The following PKHD1 variants were observed in gnomAD, a reference collection of about 807,000 sequenced individuals.
PKHD1 encodes the protein fibrocystin.
Under a neutral mutation model 412.0 loss-of-function variants are expected in PKHD1, and 291 were observed. That is an observed-to-expected ratio of 0.71 (90% CI 0.64 to 0.78). The LOEUF (loss-of-function observed/expected upper bound fraction) is 0.78. Among genes scored for constraint, PKHD1 ranks in the 30% least tolerant of loss-of-function variants. The probability of loss-of-function intolerance (pLI) is 0.00; values close to 1 mark genes in which losing one functional copy is unlikely to be tolerated. For synonymous variants in PKHD1, 1,777 were observed against 1,821.5 expected (o/e 0.98, Z 0.62); for missense variants, 4,825 against 4,950.7 (o/e 0.97, Z 0.76).
chr6:52,049,399 T>A (rs1806396410), intron 22 of PKHD1, among the ~76,000 whole-genome samples: 1 of 152,220 alleles, frequency 6.6e-6, no homozygotes, highest in African/African-American at 2.4e-5. Context: ...CACCGACAGA[T>A]ACATTGTTAT....
At chr6:51,854,989 C>G (rs1452679433) in intron 49 of PKHD1, among the ~76,000 whole-genome samples, 1 of 152,254 alleles carries the variant, frequency 6.6e-6, no homozygotes, top group Non-Finnish European at 1.5e-5. Context: ...TAGGCTTAAG[C>G]AGATTCCAGC....
rs142158406 is a variant in PKHD1, at chr6:51,964,874, A to G, written c.5752-4848T>C. 3.8e-3 allele frequency among the ~76,000 whole-genome samples: 580 copies of G among 152,142 alleles called. 6 individuals carry two copies. The highest frequency in any genetic ancestry group is 0.013 in the African/African-American group (550 of 41,516). On this transcript the variant is annotated intron_variant, in intron 35 of 66. Coordinates refer to ENST00000371117, the MANE Select transcript of PKHD1 (RefSeq NM_138694.4). Reference sequence around the variant, plus strand: ...AAATAACACTTATATGTCCTTCTTGATTGGTGGGTTTTATATCTGCATGTT... The same window carrying G: ...AAATAACACTTATATGTCCTTCTTGGTTGGTGGGTTTTATATCTGCATGTT...
chr6:51,689,923 G>C (rs143317025), intron 60 of PKHD1, among the ~76,000 whole-genome samples: 110 of 152,244 alleles, frequency 7.2e-4, no homozygotes, highest in African/African-American at 2.5e-3. Context: ...ACTGCCCAGA[G>C]CAATTTATAG....
intron 36 of PKHD1, among the ~76,000 whole-genome samples, chr6:51,945,092 T>C (rs1789259050): frequency 6.6e-6 from 1 of 152,162 alleles, no homozygotes; most frequent in African/African-American, 2.4e-5. Context: ...TGAGTCCCAG[T>C]GTGAGCAAGA....
At chr6:51,665,468 TAATCCCACC>T (rs896393280) in intron 60 of PKHD1, among the ~76,000 whole-genome samples, 1 of 152,150 alleles carries the variant, frequency 6.6e-6, no homozygotes, top group Non-Finnish European at 1.5e-5. Context: ...ACAAATTAAA[TAATCCCACC>T]AAACAATTAG....
At chr6:51,849,746 CTT>C (rs2151640513) in intron 49 of PKHD1, among the ~76,000 whole-genome samples, 1 of 151,906 alleles carries the variant, frequency 6.6e-6, no homozygotes, top group African/African-American at 2.4e-5. Flanking sequence ...GGTTGTTTGT[CTT>C]TTTCTTGTAA....
chr6:51,725,694 T>G lies in PKHD1; in HGVS notation c.10156+18691A>C, dbSNP rs1466944800. On this transcript the variant is annotated intron_variant, in intron 60 of 66. Transcript: ENST00000371117. ...GCTCACGTTTCATTTCACAGGTCAT[T>G]ATTGCATTAAGAAGTAAATCGACCA... 3.3e-5 allele frequency among the ~76,000 whole-genome samples: 5 copies of G among 152,198 alleles called. 1 individual carries two copies. The highest frequency in any genetic ancestry group is 3.3e-4 in the Admixed American group (5 of 15,276).
Position 52,024,437 on chromosome 6 carries a change from T to C in PKHD1, c.5236+137A>G, listed in dbSNP as rs1020597940. 1.7e-5 allele frequency: 14 copies of C among 814,644 alleles called. No homozygotes were observed. The African/African-American group carries it at 1.8e-4, about 11-fold the overall frequency. 50.5% of individuals were successfully genotyped at this position (814,644 alleles called of 1,614,324 possible). A position where few individuals can be genotyped will look rare whatever the true frequency, so the allele number is the denominator to read the frequency against. ...AACAAAGACAAGCCTCAGGAAGGAA[T>C]TGGGATTGTAAGAAGCCAGTGGGCT... On this transcript the variant is annotated intron_variant, in intron 32 of 66. Coordinates refer to ENST00000371117, the MANE Select transcript of PKHD1 (RefSeq NM_138694.4).
intron 49 of PKHD1, among the ~76,000 whole-genome samples, 166 bp downstream of exon 49, chr6:51,855,727 A>G (rs1562472191): frequency 6.6e-6 from 1 of 152,216 alleles, no homozygotes; most frequent in Non-Finnish European, 1.5e-5. Flanking sequence ...TTTAGCTTAT[A>G]TTCATCTGGC....
rs983036648 is a variant in PKHD1, at chr6:51,812,660, T to C, written c.8302+18201A>G. The stretch of plus-strand genomic sequence containing the variant: ...CCGCAAAATATATTTGTCTGTCATA[T>C]TTTGAAATGGCTATGCAAAGCTGTC... On this transcript the variant is annotated intron_variant, in intron 52 of 66. Transcript: ENST00000371117. Among the ~76,000 whole-genome samples the C allele has an allele frequency of 2.0e-5, 3 of 152,336 alleles. No homozygotes were observed. The South Asian group carries it at 6.2e-4, about 32-fold the overall frequency.
chr6:51,742,785 G>T (rs989533244), intron 60 of PKHD1, among the ~76,000 whole-genome samples: 1 of 152,062 alleles, frequency 6.6e-6, no homozygotes, highest in Admixed American at 6.6e-5. Flanking sequence ...ATAATATAAT[G>T]TTAAGTACCA....
chr6:51,925,453 G>GTA (rs70977318), intron 37 of PKHD1, among the ~76,000 whole-genome samples: 1 of 94,212 alleles, frequency 1.1e-5, no homozygotes, highest in Non-Finnish European at 2.2e-5. Context: ...GTGTGTGTGT[G>GTA]TATGTGTGTG....
intron 36 of PKHD1, among the ~76,000 whole-genome samples, chr6:51,949,678 T>G (rs1013744600): frequency 6.6e-6 from 1 of 152,080 alleles, no homozygotes; most frequent in African/African-American, 2.4e-5. Flanking sequence ...AAGAGCTTAG[T>G]CCACGCTCCA....
At chr6:51,982,286 G>A (rs1015415535) in intron 35 of PKHD1, among the ~76,000 whole-genome samples, 2 of 62,180 alleles carry the variant, frequency 3.2e-5, no homozygotes, top group Non-Finnish European at 8.7e-5. Flanking sequence ...CCTCTGCCCG[G>A]CCACGACCCC....
chr6:51,929,484 G>A (rs1786238039), intron 37 of PKHD1, among the ~76,000 whole-genome samples: 1 of 147,522 alleles, frequency 6.8e-6, no homozygotes, highest in Non-Finnish European at 1.5e-5. Context: ...ATTGTTTAGG[G>A]AACCCCTAAA....
rs1562269378 is a variant in PKHD1 at position 52,065,186 on chromosome 6, G to GAC, written c.881-137_881-136insGT. 1,108 of 174,614 alleles carry GAC rather than the reference G, an allele frequency of 6.3e-3. 21 individuals are homozygous for GAC. The highest frequency in any genetic ancestry group is 0.027 in the African/African-American group (1,044 of 38,288). 10.8% of individuals were successfully genotyped at this position (174,614 alleles called of 1,614,324 possible). A position where few individuals can be genotyped will look rare whatever the true frequency, so the allele number is the denominator to read the frequency against. On this transcript the variant is annotated intron_variant, in intron 12 of 66. Coordinates refer to ENST00000371117, the MANE Select transcript of PKHD1 (RefSeq NM_138694.4). ...ATATATATAGAGAGAGAGAGAGAGA[G>GAC]AGAGAGAGAGACAGAGAGAGAGAGA... is the stretch of plus-strand genomic sequence containing the variant.
intron 36 of PKHD1, among the ~76,000 whole-genome samples, chr6:51,934,839 G>GC (rs1787221085): frequency 6.6e-6 from 1 of 152,112 alleles, no homozygotes; most frequent in African/African-American, 2.4e-5. Flanking sequence ...GTATTGCTCT[G>GC]CCCCATTGAC....
chr6:52,028,178 C>T lies in PKHD1; in HGVS notation c.3538G>A (p.Gly1180Arg), dbSNP rs1802508215. The change falls in exon 30 of 67, where the codon GGG becomes AGG. Residue 1180 changes from glycine (G) to arginine (R), a missense_variant. By Grantham distance (125) the Gly-to-Arg change is moderately radical. Transcript: ENST00000371117. ...CACCCTTGTGAGTGAATGCTGACCC[C>T]ATTGATAGAGACGGAAATTCTGTGG... ...GLHRISVSIN[G>R]VSIHSQGVDL... 2 of 1,614,080 alleles carry T rather than the reference C, an allele frequency of 1.2e-6. No homozygotes were observed. The highest frequency in any genetic ancestry group is 2.7e-5 in the African/African-American group (2 of 74,920).
intron 43 of PKHD1, among the ~76,000 whole-genome samples, chr6:51,890,103 AG>A (rs1189003059): frequency 6.6e-6 from 1 of 152,136 alleles, no homozygotes; most frequent in African/African-American, 2.4e-5. Context: ...ACTGGATTTT[AG>A]AGTCTCATTT....
Sources: gnomAD v4.1 joint callset for allele counts (sites outside exome capture counted in the v4.1 genomes callset) on GRCh38, gnomAD v4.1.1 for gene constraint, MANE v1.5 for transcripts, NCBI Gene and HGNC (gene_info 2026-07-23, HGNC 2026-07-21) for gene names.